Variants in TIMM22 observed in about 807,000 individuals in gnomAD.
TIMM22 encodes mitochondrial import inner membrane translocase subunit Tim22.
A neutral mutation model predicts 18.3 loss-of-function variants in TIMM22; 12 were observed. The observed-to-expected ratio is 0.65, with a 90% CI of 0.42 to 1.06. The LOEUF (loss-of-function observed/expected upper bound fraction) is 1.06. Among genes scored for constraint, TIMM22 ranks in the 50% least tolerant of loss-of-function variants. The probability of loss-of-function intolerance (pLI) is 0.00; values close to 1 mark genes in which losing one functional copy is unlikely to be tolerated. For missense variants in TIMM22, 278 were observed against 252.8 expected, an observed-to-expected ratio of 1.10 and a Z score of -0.68; for synonymous variants, 107 against 98.5, an observed-to-expected ratio of 1.09 and a Z score of -0.51.
At chr17:1,000,912 A>G in intron 3 of TIMM22, 100 bp from the exon 4 acceptor site, 6 of 1,164,132 alleles carry the variant, frequency 5.2e-6, no homozygotes, top group Non-Finnish European at 7.8e-6. Context: ...TACAGTGCTT[A>G]AGCTCATTTC....
intron 1 of TIMM22, among the ~76,000 whole-genome samples, chr17:997,740 GA>G (rs1444402588): frequency 2.6e-5 from 4 of 152,200 alleles, no homozygotes; most frequent in African/African-American, 4.8e-5. Flanking sequence ...TTGAACCCAG[GA>G]GGCGGAGCTT....
Position 1,001,266 on chromosome 17 carries a change from C to A in TIMM22, c.*178C>A. ...CTCTGCCTCCAGCCTTTGGGGTAGC[C>A]ACACTTTGCTGCTCCTGGACTCCAG... On this transcript the variant is annotated 3_prime_UTR_variant, in exon 4 of 4. Coordinates refer to ENST00000327158, the MANE Select transcript of TIMM22 (RefSeq NM_013337.4). 1.6e-6 allele frequency: 1 copy of A among 616,760 alleles called. No individual in the cohort carries two copies. Among genetic ancestry groups the A allele is most frequent in the Non-Finnish European group, 2.8e-6 (1 of 357,044 alleles). The allele number at this position is 616,760 out of a possible 1,614,324, so 38.2% of individuals were successfully genotyped here.
chr17:998,692 C>G, intron 1 of TIMM22, 87 bp from the exon 2 acceptor site: 1 of 1,446,990 alleles, frequency 6.9e-7, no homozygotes, highest in Non-Finnish European at 9.3e-7. Flanking sequence ...GGTGGTCATC[C>G]AAAAGCATGG....
Position 997,157 on chromosome 17 carries a change from C to T in TIMM22, c.15C>T (p.Ala5=), listed in dbSNP as rs761107750. The T allele has an allele frequency of 9.3e-6, 15 of 1,609,392 alleles. No homozygotes were observed. The African/African-American group carries it at 1.7e-4, about 19-fold the overall frequency. MAAA[A]PNAGGSAPET... is the part of the protein sequence containing the mutation. ...CAGCGACTGTCATGGCGGCGGCCGC[C>T]CCCAATGCCGGAGGCTCGGCCCCTG... The change falls in exon 1 of 4, where the codon GCC becomes GCT. Residue 5 remains alanine (A), a synonymous_variant. Coordinates refer to ENST00000327158, the MANE Select transcript of TIMM22 (RefSeq NM_013337.4).
At position 1,000,180 on chromosome 17, in the gene TIMM22, G is replaced by T. The variant is rs183690377; in HGVS notation, c.508+596G>T. ...ATTACAGGCATGAGCCACCACGTGT[G>T]GCCAACATTTTTCTCAGTAATTCTA... On this transcript the variant is annotated intron_variant, in intron 3 of 3. Transcript: ENST00000327158. Among the ~76,000 whole-genome samples the T allele has an allele frequency of 3.9e-3, 587 of 152,072 alleles. 4 individuals carry two copies. The highest frequency in any genetic ancestry group is 4.1e-3 in the Non-Finnish European group (276 of 67,992).
At position 999,553 on chromosome 17, in the gene TIMM22, C is replaced by T. The variant is rs754000331; in HGVS notation, c.477C>T (p.Gly159=). 8.7e-6 allele frequency: 14 copies of T among 1,613,626 alleles called. No homozygotes were observed. The East Asian group carries it at 3.1e-4, about 36-fold the overall frequency. The stretch of plus-strand genomic sequence containing the variant: ...ACTGGAAGAACAGTGTCATCAGTGG[C>T]TGCATCACGGGAGGAGCTATTGGTT... ...TSDWKNSVIS[G]CITGGAIGFR... is the part of the protein sequence containing the mutation. The change falls in exon 3 of 4, where the codon GGC becomes GGT. Residue 159 remains glycine (G), a synonymous_variant. Transcript: ENST00000327158.
chr17:999,700 T>C, intron 3 of TIMM22, 116 bp downstream of exon 3: 1 of 1,010,712 alleles, frequency 9.9e-7, no homozygotes. Flanking sequence ...CTCTGACAAA[T>C]AAATCATGTT....
At chr17:1,000,341 AAAAAAG>A (rs1175328990) in intron 3 of TIMM22, among the ~76,000 whole-genome samples, 1 of 152,038 alleles carries the variant, frequency 6.6e-6, no homozygotes, top group Non-Finnish European at 1.5e-5. Context: ...AAAAAAAAAA[AAAAAAG>A]AAAACCAATT....
intron 1 of TIMM22, 144 bp downstream of exon 1, chr17:997,524 T>C (rs190671153): frequency 1.4e-5 from 11 of 777,242 alleles, no homozygotes; most frequent in Non-Finnish European, 2.0e-6. Context: ...GAATCGGGCG[T>C]CACCTCTCCT....
rs2069749969 is a variant in TIMM22 at position 1,001,676 on chromosome 17, C to CA, written c.*593dup. The CA allele has an allele frequency of 6.5e-6, 1 of 152,754 alleles. No homozygotes were observed. The highest frequency in any genetic ancestry group is 1.5e-5 in the Non-Finnish European group (1 of 68,544). 9.5% of individuals were successfully genotyped at this position (152,754 alleles called of 1,614,324 possible). A position where few individuals can be genotyped will look rare whatever the true frequency, so the allele number is the denominator to read the frequency against. On this transcript the variant is annotated 3_prime_UTR_variant, in exon 4 of 4. Coordinates refer to ENST00000327158, the MANE Select transcript of TIMM22 (RefSeq NM_013337.4). ...TATTTTATTTTCAAATTCCCTATTC[C>CA]AAAAATAGTGCCGGGTGGCCCAAAG... is the stretch of plus-strand genomic sequence containing the variant.
chr17:1,000,513 CT>C (rs1490979588), intron 3 of TIMM22, among the ~76,000 whole-genome samples: 1 of 152,144 alleles, frequency 6.6e-6, no homozygotes, highest in Non-Finnish European at 1.5e-5. Context: ...TTCTCATCTT[CT>C]GAGAGACAGG....
Position 1,001,027 on chromosome 17 carries a change from G to C in TIMM22, c.524G>C (p.Gly175Ala). 1 of 1,614,072 alleles carries C rather than the reference G, an allele frequency of 6.2e-7. No individual in the cohort carries two copies. The highest frequency in any genetic ancestry group is 8.5e-7 in the Non-Finnish European group (1 of 1,179,976). Residue 175 changes from glycine (G) to alanine (A), a missense_variant, in exon 4 of 4, where the codon GGG (glycine) becomes GCG (alanine). Coordinates refer to ENST00000327158, the MANE Select transcript of TIMM22 (RefSeq NM_013337.4). The stretch of plus-strand genomic sequence containing the variant: ...TGTTTGACAGCTGGCTTAAAGGCTG[G>C]GGCCATTGGTTGTGGAGGTTTTGCT... ...AIGFRAGLKA[G>A]AIGCGGFAAF... is the part of the protein sequence containing the mutation.
At chr17:999,358 T>TATATATATATACATACAC (rs1408779709) in intron 2 of TIMM22, among the ~76,000 whole-genome samples, 154 bp from the exon 3 acceptor site, 1 of 132,610 alleles carries the variant, frequency 7.5e-6, no homozygotes, top group Admixed American at 7.4e-5. Flanking sequence ...TATATATATA[T>TATATATATATACATACAC]ACACGCTGTA....
chr17:999,001 T>G (rs763008961), intron 2 of TIMM22, 26 bp downstream of exon 2: 1 of 1,588,070 alleles, frequency 6.3e-7, no homozygotes, highest in Admixed American at 1.7e-5. Context: ...TTCTAAGAAA[T>G]CCTTGCTGGG....
Position 1,000,943 on chromosome 17 carries a change from A to G in TIMM22, c.509-69A>G, listed in dbSNP as rs1207820401. 16 of 1,565,810 alleles carry G rather than the reference A, an allele frequency of 1.0e-5. No individual in the cohort carries two copies. In the South Asian group the frequency reaches 1.1e-4, roughly 11 times the overall value. ...ATTTCATGACACTGAGGGTGTGCCA[A>G]CTTTCCGTGAGTGCCTCGTGACCCA... is the stretch of plus-strand genomic sequence containing the variant. On this transcript the variant is annotated intron_variant, in intron 3 of 3. Coordinates refer to ENST00000327158, the MANE Select transcript of TIMM22 (RefSeq NM_013337.4).
In TIMM22 at chr17:999,560, A is replaced by G. The variant is rs765805818; in HGVS notation, c.484A>G (p.Thr162Ala). The change falls in exon 3 of 4, where the codon ACG (threonine) becomes GCG (alanine). Residue 162 changes from threonine to alanine, a missense_variant. Transcript: ENST00000327158. Reference protein sequence around the residue: ...WKNSVISGCITGGAIGFRAGL... With the variant: ...WKNSVISGCIAGGAIGFRAGL... ...GAACAGTGTCATCAGTGGCTGCATC[A>G]CGGGAGGAGCTATTGGTTTCAGAGG... 26 of 1,613,464 alleles carry G rather than the reference A, an allele frequency of 1.6e-5. No homozygotes were observed. The Admixed American group carries it at 2.7e-4, about 17-fold the overall frequency.
Position 1,000,066 on chromosome 17 carries a change from A to ATTTTTTTT in TIMM22, c.508+487_508+488insTTTTTTTT, listed in dbSNP as rs79776948. 7.4e-3 allele frequency among the ~76,000 whole-genome samples: 1,113 copies of ATTTTTTTT among 150,520 alleles called. 17 individuals are homozygous for ATTTTTTTT. The highest frequency in any genetic ancestry group is 0.025 in the African/African-American group (1,027 of 41,052). On this transcript the variant is annotated intron_variant, in intron 3 of 3. Transcript: ENST00000327158. ...AGGCACCCGCCACCATGCTCAGCTAATTTTTATTTTTTTAGTAGAGATCAA... is the reference window on the plus strand; with the variant it reads ...AGGCACCCGCCACCATGCTCAGCTAATTTTTTTTTTTTTATTTTTTTAGTAGAGATCAA...
At position 999,358 on chromosome 17, in the gene TIMM22, T is replaced by TATATATATATATACATATATAC. The variant is rs1408779709; in HGVS notation, c.436-153_436-152insTATATATATATACATATATACA. Among the ~76,000 whole-genome samples the TATATATATATATACATATATAC allele has an allele frequency of 5.0e-4, 66 of 132,540 alleles. 1 individual carries two copies. Among genetic ancestry groups the TATATATATATATACATATATAC allele is most frequent in the African/African-American group, 2.1e-3 (64 of 31,208 alleles). The allele number at this position is 132,540 out of a possible 152,430, so 87.0% of individuals were successfully genotyped here. ...ATATATATATATATATATATATATA[T>TATATATATATATACATATATAC]ACACGCTGTATACTTAGGAACTATA... On this transcript the variant is annotated intron_variant, in intron 2 of 3. Coordinates refer to ENST00000327158, the MANE Select transcript of TIMM22 (RefSeq NM_013337.4).
chr17:997,479 G>A, intron 1 of TIMM22, 99 bp downstream of exon 1: 2 of 1,212,756 alleles, frequency 1.6e-6, no homozygotes, highest in Middle Eastern at 2.7e-4. Flanking sequence ...AGGGACTGCG[G>A]GCCTTGACCT....
Sources: gnomAD v4.1 joint callset for allele counts (sites outside exome capture counted in the v4.1 genomes callset) on GRCh38, gnomAD v4.1.1 for gene constraint, MANE v1.5 for transcripts, NCBI Gene and HGNC (gene_info 2026-07-23, HGNC 2026-07-21) for gene names.